The following FOXN3 variants were observed in gnomAD, a reference collection of about 807,000 sequenced individuals.
FOXN3 encodes forkhead box N3, also known as forkhead box protein N3.
FOXN3 carries 7 observed loss-of-function variants against 38.4 expected under a neutral mutation model. The observed-to-expected ratio is 0.18, with a 90% CI of 0.10 to 0.34. The LOEUF (loss-of-function observed/expected upper bound fraction) is 0.34. Among genes scored for constraint, FOXN3 ranks in the 10% least tolerant of loss-of-function variants. The pLI is 1.00. For missense variants in FOXN3, 456 were observed against 613.4 expected, an observed-to-expected ratio of 0.74 and a Z score of 2.71; for synonymous variants, 230 against 242.2, an observed-to-expected ratio of 0.95 and a Z score of 0.47.
intron 2 of FOXN3, among the ~76,000 whole-genome samples, chr14:89,372,385 A>G (rs757240115): frequency 3.1e-4 from 47 of 152,346 alleles, no homozygotes; most frequent in South Asian, 1.7e-3. Context: ...TGCATCATCA[A>G]TGGTTACTAT....
chr14:89,285,390 A>G (rs2139924339), intron 3 of FOXN3, among the ~76,000 whole-genome samples: 1 of 152,228 alleles, frequency 6.6e-6, no homozygotes, highest in African/African-American at 2.4e-5. Flanking sequence ...ATGGTGGCGC[A>G]TGCCTGTAAT....
In FOXN3 at chr14:89,410,002, C is replaced by T. The variant is rs1424317858; in HGVS notation, c.543+1932G>A. On this transcript the variant is annotated intron_variant, in intron 2 of 5. Transcript: ENST00000557258. ...AGAAACTTATGAATATTCAGATCTG[C>T]ACGCTCGACCCAGGCATCATTTGCA... 3.3e-5 allele frequency among the ~76,000 whole-genome samples: 5 copies of T among 152,214 alleles called. No individual in the cohort carries two copies. In the East Asian group the frequency reaches 5.8e-4, roughly 18 times the overall value.
chr14:89,468,593 G>A (rs140568417), intron 1 of FOXN3, among the ~76,000 whole-genome samples: 1 of 152,162 alleles, frequency 6.6e-6, no homozygotes, highest in Non-Finnish European at 1.5e-5. Flanking sequence ...TGAATGATGG[G>A]GATAGATGAG....
chr14:89,570,002 TG>T (rs991656678), intron 1 of FOXN3, among the ~76,000 whole-genome samples: 15 of 145,564 alleles, frequency 1.0e-4, no homozygotes, highest in Non-Finnish European at 1.6e-4. Context: ...TCACTTGGTA[TG>T]TTTTTTTTTT....
chr14:89,370,019 C>T (rs1189635181), intron 2 of FOXN3, among the ~76,000 whole-genome samples: 2 of 152,222 alleles, frequency 1.3e-5, no homozygotes, highest in African/African-American at 4.8e-5. Context: ...TCCAACTGCA[C>T]TAAAATGTAC....
intron 1 of FOXN3, among the ~76,000 whole-genome samples, chr14:89,553,889 G>A (rs1225268859): frequency 1.3e-5 from 2 of 152,058 alleles, no homozygotes; most frequent in African/African-American, 2.4e-5. Context: ...ATAGTAAAAG[G>A]AAAATAGCTT....
intron 4 of FOXN3, among the ~76,000 whole-genome samples, chr14:89,222,452 C>T (rs1435230825): frequency 6.6e-6 from 1 of 152,138 alleles, no homozygotes; most frequent in African/African-American, 2.4e-5. Context: ...AGCCAGAGGG[C>T]AGGGGACGTA....
At chr14:89,436,289 T>TAAAAAAAAAAAA (rs77915176) in intron 1 of FOXN3, among the ~76,000 whole-genome samples, 3 of 134,820 alleles carry the variant, frequency 2.2e-5, no homozygotes, top group African/African-American at 8.3e-5. Context: ...GTTTATTCAT[T>TAAAAAAAAAAAA]AAAAAAAAAA....
In FOXN3 at chr14:89,164,857, C is replaced by A. The variant is rs907553005; in HGVS notation, c.852-1888G>T. 1.3e-5 allele frequency among the ~76,000 whole-genome samples: 2 copies of A among 152,086 alleles called. No individual in the cohort carries two copies. The highest frequency in any genetic ancestry group is 1.3e-4 in the Admixed American group (2 of 15,270). On this transcript the variant is annotated intron_variant, in intron 5 of 5. Transcript: ENST00000557258. This position sits in a 1 kb window ranked among gnomAD's most constrained non-coding sequence, Gnocchi z 4.3. ...AGGCTCAGGGAGACTTCAGCTGCAT[C>A]CCACATAGAAAGTGAAAGGGGAAGG...
intron 2 of FOXN3, among the ~76,000 whole-genome samples, chr14:89,399,137 CCT>C (rs905397340): frequency 8.5e-5 from 13 of 152,218 alleles, no homozygotes; most frequent in African/African-American, 2.9e-4. Context: ...TGCACAGGCC[CCT>C]GTTCTGACCA....
intron 4 of FOXN3, among the ~76,000 whole-genome samples, chr14:89,215,876 T>C (rs1225118698): frequency 6.6e-6 from 1 of 152,212 alleles, no homozygotes; most frequent in Non-Finnish European, 1.5e-5. Context: ...GACGGAATAA[T>C]GAAATGGCTC....
chr14:89,352,926 C>T (rs1396248080), intron 2 of FOXN3, among the ~76,000 whole-genome samples: 1 of 152,180 alleles, frequency 6.6e-6, no homozygotes, highest in East Asian at 1.9e-4. Context: ...GAGCCAGAAG[C>T]TGCAGCGAGC....
At chr14:89,379,775 C>CTCAG in intron 2 of FOXN3, among the ~76,000 whole-genome samples, 1 of 152,044 alleles carries the variant, frequency 6.6e-6, no homozygotes, top group South Asian at 2.1e-4. Context: ...ATTCTCCTGC[C>CTCAG]TCAGCCTCCC....
chr14:89,236,416 G>A (rs1432248703), intron 4 of FOXN3, among the ~76,000 whole-genome samples: 1 of 152,218 alleles, frequency 6.6e-6, no homozygotes, highest in Non-Finnish European at 1.5e-5. Context: ...TCGGGAGGCT[G>A]AGGCAGGAGA....
intron 1 of FOXN3, among the ~76,000 whole-genome samples, chr14:89,429,525 C>A (rs1428031061): frequency 6.7e-6 from 1 of 149,086 alleles, no homozygotes; most frequent in Admixed American, 6.8e-5. Flanking sequence ...CTGGCAGACA[C>A]AACTGATTTT....
At chr14:89,557,617 T>A (rs1284187204) in intron 1 of FOXN3, among the ~76,000 whole-genome samples, 1 of 151,952 alleles carries the variant, frequency 6.6e-6, no homozygotes, top group Non-Finnish European at 1.5e-5. Context: ...CTTGCTGGGG[T>A]GTGGCAGAAG....
intron 4 of FOXN3, among the ~76,000 whole-genome samples, chr14:89,248,335 T>C (rs1885355849): frequency 6.6e-6 from 1 of 152,220 alleles, no homozygotes; most frequent in African/African-American, 2.4e-5. Flanking sequence ...CTTCCATACT[T>C]TTGCATCTTA....
chr14:89,426,124 A>G (rs749907852), intron 1 of FOXN3, among the ~76,000 whole-genome samples: 5 of 151,738 alleles, frequency 3.3e-5, no homozygotes, highest in Non-Finnish European at 5.9e-5. Context: ...CGGGCAGAAC[A>G]TCACTTTGTT....
At chr14:89,255,586 T>C (rs1215224114) in intron 4 of FOXN3, among the ~76,000 whole-genome samples, 3 of 152,152 alleles carry the variant, frequency 2.0e-5, no homozygotes, top group African/African-American at 7.2e-5. Flanking sequence ...ACTCTTCTCC[T>C]GGTGAGGATC....
Sources: gnomAD v4.1 joint callset for allele counts (sites outside exome capture counted in the v4.1 genomes callset) on GRCh38, gnomAD v4.1.1 for gene constraint, Gnocchi (gnomAD v3.1) non-coding constraint, MANE v1.5 for transcripts, NCBI Gene and HGNC (gene_info 2026-07-23, HGNC 2026-07-21) for gene names.